DMRT1: variants seen among roughly 807,000 people sequenced by gnomAD.
DMRT1 encodes doublesex- and mab-3-related transcription factor 1.
In DMRT1, 7 loss-of-function variants were observed where a neutral mutation model predicts 32.3. The observed-to-expected ratio is 0.22, with a 90% CI of 0.12 to 0.41. The LOEUF is 0.41. Ranked by LOEUF, DMRT1 falls within the 10% of genes least tolerant of loss-of-function variation. The pLI is 1.00. For missense variants in DMRT1, 625 were observed against 500.5 expected, an observed-to-expected ratio of 1.25 and a Z score of -2.37; for synonymous variants, 278 against 206.1, an observed-to-expected ratio of 1.35 and a Z score of -2.99.
chr9:883,789 T>TA (rs377354456), intron 2 of DMRT1, among the ~76,000 whole-genome samples: 3,313 of 137,806 alleles, frequency 0.024, 42 homozygotes, highest in Middle Eastern at 0.047. Flanking sequence ...ACCTGTTTCT[T>TA]AAAAAAAAAA....
chr9:942,513 T>C (rs1438448440), intron 4 of DMRT1, among the ~76,000 whole-genome samples: 2 of 152,192 alleles, frequency 1.3e-5, no homozygotes, highest in Admixed American at 1.3e-4. Flanking sequence ...GCTCAAGTGA[T>C]CTGCTTGCCT....
Position 859,135 on chromosome 9 carries a change from G to A in DMRT1, c.538+11992G>A, listed in dbSNP as rs147183444. Among the ~76,000 whole-genome samples, 135 of 152,194 alleles carry A rather than the reference G, an allele frequency of 8.9e-4. 1 individual carries two copies. The highest frequency in any genetic ancestry group is 3.4e-3 in the Middle Eastern group (1 of 294). The stretch of plus-strand genomic sequence containing the variant: ...TGAAATCACCTGTAGACTCACATGA[G>A]TTACGATGATTCCTTTGATCTCTGC... On this transcript the variant is annotated intron_variant, in intron 2 of 4. Coordinates refer to ENST00000382276, the MANE Select transcript of DMRT1 (RefSeq NM_021951.3).
chr9:850,886 G>C (rs1317398521), intron 2 of DMRT1, among the ~76,000 whole-genome samples: 1 of 152,038 alleles, frequency 6.6e-6, no homozygotes, highest in East Asian at 1.9e-4. Flanking sequence ...AAAATTAGCT[G>C]GGCATGGTGG....
At chr9:906,272 G>A (rs764173821) in intron 3 of DMRT1, among the ~76,000 whole-genome samples, 8 of 152,284 alleles carry the variant, frequency 5.3e-5, no homozygotes, top group Non-Finnish European at 8.8e-5. Context: ...GAGTGTGTGC[G>A]TGTGCTTAGT....
In DMRT1 at chr9:968,932, A is replaced by C. The variant is rs1157664551; in HGVS notation, c.*793A>C. On this transcript the variant is annotated 3_prime_UTR_variant, in exon 5 of 5. Coordinates refer to ENST00000382276, the MANE Select transcript of DMRT1 (RefSeq NM_021951.3). ...TGATTTGGAAATAAGTACATCTTTA[A>C]AAGTTGCTACAGATTTGAGTTCATG... The C allele has an allele frequency of 6.6e-6, 1 of 152,666 alleles. No individual in the cohort carries two copies. The highest frequency in any genetic ancestry group is 1.9e-4 in the East Asian group (1 of 5,206). 9.5% of individuals were successfully genotyped at this position (152,666 alleles called of 1,614,324 possible).
chr9:844,926 T>C (rs1011332906), intron 1 of DMRT1, among the ~76,000 whole-genome samples: 1 of 152,120 alleles, frequency 6.6e-6, no homozygotes, highest in Non-Finnish European at 1.5e-5. Flanking sequence ...TTCACCATAT[T>C]GGCCAGGCTG....
intron 2 of DMRT1, among the ~76,000 whole-genome samples, chr9:887,823 C>G (rs1816990114): frequency 6.6e-6 from 1 of 152,114 alleles, no homozygotes; most frequent in Admixed American, 6.6e-5. Context: ...CCAGTTTGCA[C>G]CTAATTTCCC....
intron 2 of DMRT1, among the ~76,000 whole-genome samples, chr9:854,313 G>C (rs114791201): frequency 0.023 from 3,428 of 151,820 alleles, 117 homozygotes; most frequent in African/African-American, 0.079. Context: ...GGGAAACAGA[G>C]TCTCACTCTT....
At position 842,308 on chromosome 9, in the gene DMRT1, C is replaced by A. The variant is rs758517384; in HGVS notation, c.354+116C>A. 3.0e-6 allele frequency: 4 copies of A among 1,329,802 alleles called. No individual in the cohort carries two copies. The South Asian group carries it at 5.6e-5, about 19-fold the overall frequency. 82.4% of individuals were successfully genotyped at this position (1,329,802 alleles called of 1,614,324 possible). A position where few individuals can be genotyped will look rare whatever the true frequency, so the allele number is the denominator to read the frequency against. ...GCAGTGTAGTGGCGCGATCTTGGCT[C>A]ACTGCAACCTCCGCTTCCCGGGTTC... On this transcript the variant is annotated intron_variant, in intron 1 of 4. Coordinates refer to ENST00000382276, the MANE Select transcript of DMRT1 (RefSeq NM_021951.3).
chr9:867,303 C>T (rs1700671943), intron 2 of DMRT1, among the ~76,000 whole-genome samples: 1 of 152,048 alleles, frequency 6.6e-6, no homozygotes, highest in Non-Finnish European at 1.5e-5. Flanking sequence ...GTTTGTCAAA[C>T]TGAAGATCCA....
At chr9:872,645 T>C (rs1402956931) in intron 2 of DMRT1, among the ~76,000 whole-genome samples, 1 of 152,226 alleles carries the variant, frequency 6.6e-6, no homozygotes, top group Non-Finnish European at 1.5e-5. Flanking sequence ...TTGTAGCATG[T>C]TTCAGGACAT....
At chr9:964,434 G>C (rs1250299650) in intron 4 of DMRT1, among the ~76,000 whole-genome samples, 1 of 151,912 alleles carries the variant, frequency 6.6e-6, no homozygotes. Flanking sequence ...GTTCAAACAA[G>C]GGTCAGCCTC....
At chr9:870,893 A>T (rs1444726036) in intron 2 of DMRT1, among the ~76,000 whole-genome samples, 1 of 151,632 alleles carries the variant, frequency 6.6e-6, no homozygotes, top group African/African-American at 2.4e-5. Context: ...TTTTGTGTGT[A>T]TGTAGAAACA....
Position 968,515 on chromosome 9 carries a change from GTT to G in DMRT1, c.*389_*390del, listed in dbSNP as rs34469209. 8.1e-3 allele frequency: 1,228 copies of G among 151,888 alleles called. 7 individuals carry two copies. The highest frequency in any genetic ancestry group is 0.014 in the African/African-American group (568 of 39,724). 9.4% of individuals were successfully genotyped at this position (151,888 alleles called of 1,614,324 possible). A position where few individuals can be genotyped will look rare whatever the true frequency, so the allele number is the denominator to read the frequency against. On this transcript the variant is annotated 3_prime_UTR_variant, in exon 5 of 5. Coordinates refer to ENST00000382276, the MANE Select transcript of DMRT1 (RefSeq NM_021951.3). The stretch of plus-strand genomic sequence containing the variant: ...AAATGAAATCTTAGGTGCCTTAGGG[GTT>G]TTTTTTTTTTTTAAGTATTTTTTAA...
chr9:941,918 C>G (rs760926775), intron 4 of DMRT1, among the ~76,000 whole-genome samples: 2 of 152,082 alleles, frequency 1.3e-5, no homozygotes, highest in Non-Finnish European at 2.9e-5. Context: ...TAGTACATTG[C>G]TGGATTCAGG....
At chr9:870,939 C>T (rs1816220823) in intron 2 of DMRT1, among the ~76,000 whole-genome samples, 1 of 150,522 alleles carries the variant, frequency 6.6e-6, no homozygotes, top group South Asian at 2.1e-4. Flanking sequence ...GTTTTAAACT[C>T]CTGGGCTCAG....
chr9:847,951 T>C (rs138609033), intron 2 of DMRT1, among the ~76,000 whole-genome samples: 1 of 152,240 alleles, frequency 6.6e-6, no homozygotes, highest in African/African-American at 2.4e-5. Context: ...GGATAATGCA[T>C]TGCTGTCTCT....
chr9:894,799 T>TG (rs56903830), intron 3 of DMRT1: 5,913 of 160,100 alleles, frequency 0.037, 164 homozygotes, highest in African/African-American at 0.078. Context: ...TTGTTTTTTT[T>TG]TTTGTTTGTT....
intron 2 of DMRT1, among the ~76,000 whole-genome samples, chr9:874,445 T>C (rs1287046582): frequency 2.0e-5 from 3 of 152,244 alleles, no homozygotes; most frequent in Non-Finnish European, 4.4e-5. Context: ...TGAACTTGTA[T>C]ATAAGTTTAT....
Sources: gnomAD v4.1 joint callset for allele counts (sites outside exome capture counted in the v4.1 genomes callset) on GRCh38, gnomAD v4.1.1 for gene constraint, MANE v1.5 for transcripts, NCBI Gene and HGNC (gene_info 2026-07-23, HGNC 2026-07-21) for gene names.